The following STOX2 variants were observed in gnomAD, a reference collection of about 807,000 sequenced individuals.
The protein encoded by STOX2 is storkhead box 2, also known as storkhead-box protein 2.
A neutral mutation model predicts 60.9 loss-of-function variants in STOX2; 28 were observed. The observed-to-expected ratio is 0.46, with a 90% CI of 0.34 to 0.63. The LOEUF (loss-of-function observed/expected upper bound fraction) is 0.63. Ranked by LOEUF, STOX2 falls within the 30% of genes least tolerant of loss-of-function variation. The pLI is 0.01. For missense variants in STOX2, 1,024 were observed against 1,187.7 expected, an observed-to-expected ratio of 0.86 and a Z score of 2.03; for synonymous variants, 472 against 463.9, an observed-to-expected ratio of 1.02 and a Z score of -0.22.
chr4:183,850,857 A>G (rs570619786), intron 1 of STOX2, among the ~76,000 whole-genome samples: 1 of 151,794 alleles, frequency 6.6e-6, no homozygotes, highest in South Asian at 2.1e-4. Flanking sequence ...AGGATGAGGG[A>G]AAGGATGAGG....
chr4:183,908,287 G>T (rs780887988), intron 1 of STOX2, among the ~76,000 whole-genome samples: 16 of 152,210 alleles, frequency 1.1e-4, no homozygotes, highest in Non-Finnish European at 1.8e-4. Context: ...TTAAGTCGCT[G>T]CTGTGGTTGC....
Position 183,841,093 on chromosome 4 carries a change from C to A in STOX2, c.364+43038C>A, listed in dbSNP as rs187382344. Among the ~76,000 whole-genome samples, 88 of 152,346 alleles carry A rather than the reference C, an allele frequency of 5.8e-4. 2 individuals carry two copies. Among genetic ancestry groups the A allele is most frequent in the African/African-American group, 2.0e-3 (84 of 41,586 alleles). On this transcript the variant is annotated intron_variant, in intron 1 of 2. Coordinates refer to the STOX2 transcript ENST00000513034. ...ATGTTGCCCAGGCTGGTCTCAAATT[C>A]TTGGGCTCAAGTGATCTGCCCGCCC...
At chr4:183,981,465 G>C (rs541825153) in intron 1 of STOX2, among the ~76,000 whole-genome samples, 1 of 151,336 alleles carries the variant, frequency 6.6e-6, no homozygotes, top group Non-Finnish European at 1.5e-5. Flanking sequence ...TAACCCAGTC[G>C]GTTGGAAATA....
intron 1 of STOX2, among the ~76,000 whole-genome samples, chr4:183,873,406 A>G (rs1386563455): frequency 6.7e-6 from 1 of 149,618 alleles, no homozygotes; most frequent in Non-Finnish European, 1.5e-5. Context: ...AGATCGCACC[A>G]TCACACTCCA....
intron 1 of STOX2, among the ~76,000 whole-genome samples, chr4:183,868,126 C>T (rs960352844): frequency 1.1e-4 from 16 of 151,960 alleles, no homozygotes; most frequent in Admixed American, 4.6e-4. Context: ...TGAAGCCTCT[C>T]GGTGGCATCT....
intron 2 of STOX2, among the ~76,000 whole-genome samples, chr4:184,002,589 G>A (rs1733638950): frequency 6.6e-6 from 1 of 152,196 alleles, no homozygotes; most frequent in African/African-American, 2.4e-5. Context: ...AGAAAACGGG[G>A]CAAATGGAGA....
intron 1 of STOX2, among the ~76,000 whole-genome samples, chr4:183,875,551 C>T (rs1036803048): frequency 1.1e-4 from 16 of 152,188 alleles, no homozygotes; most frequent in African/African-American, 3.1e-4. Context: ...CCTGGTGGAG[C>T]GGGCTTTGCA....
chr4:183,939,288 C>G (rs571989348), intron 1 of STOX2, among the ~76,000 whole-genome samples: 1 of 152,316 alleles, frequency 6.6e-6, no homozygotes, highest in East Asian at 1.9e-4. Context: ...CCTTCCCTGT[C>G]CCTTCCAGCT....
At chr4:183,810,169 G>A (rs1350595508) in intron 1 of STOX2, among the ~76,000 whole-genome samples, 1 of 152,186 alleles carries the variant, frequency 6.6e-6, no homozygotes, top group Non-Finnish European at 1.5e-5. Context: ...GGAGTAGTGG[G>A]GACAGAGGTA....
At chr4:184,006,745 T>G (rs571102836) in intron 2 of STOX2, among the ~76,000 whole-genome samples, 104 of 136,314 alleles carry the variant, frequency 7.6e-4, no homozygotes, top group Non-Finnish European at 1.4e-3. Context: ...GTACAGAAAG[T>G]ATTATAAAAT....
At chr4:183,798,621 G>T in intron 1 of STOX2, 1 of 985,350 alleles carries the variant, frequency 1.0e-6, no homozygotes, top group Non-Finnish European at 1.2e-6. Context: ...TGCAGAGTTC[G>T]TCTTAAATGT....
chr4:183,815,186 G>A (rs1450060583), intron 1 of STOX2, among the ~76,000 whole-genome samples: 1 of 151,590 alleles, frequency 6.6e-6, no homozygotes, highest in African/African-American at 2.4e-5. Flanking sequence ...TAATAGAGAA[G>A]GAGTCTTGCT....
At chr4:183,911,149 A>G (rs1426348082) in intron 1 of STOX2, among the ~76,000 whole-genome samples, 2 of 47,644 alleles carry the variant, frequency 4.2e-5, no homozygotes, top group Non-Finnish European at 8.8e-5. Flanking sequence ...TTACACATAA[A>G]TTGTTAGACA....
intron 1 of STOX2, among the ~76,000 whole-genome samples, chr4:183,848,890 C>T (rs1303809351): frequency 6.6e-6 from 1 of 152,154 alleles, no homozygotes; most frequent in Non-Finnish European, 1.5e-5. Context: ...CATGTTGGGG[C>T]CCAGGTGGAG....
intron 1 of STOX2, among the ~76,000 whole-genome samples, chr4:183,978,353 G>A (rs1385939229): frequency 2.0e-5 from 3 of 152,160 alleles, no homozygotes; most frequent in South Asian, 2.1e-4. Context: ...TGATTGAATA[G>A]GGTGTCCTTT....
chr4:183,922,904 T>A (rs115604508), intron 1 of STOX2, among the ~76,000 whole-genome samples: 2,045 of 152,292 alleles, frequency 0.013, 39 homozygotes, highest in African/African-American at 0.047. Context: ...TTGTGACTGG[T>A]TTATTTCACT....
At chr4:183,804,156 A>G (rs959034191) in intron 1 of STOX2, among the ~76,000 whole-genome samples, 1 of 152,226 alleles carries the variant, frequency 6.6e-6, no homozygotes, top group Non-Finnish European at 1.5e-5. Context: ...TAAGACACCT[A>G]TACCATTTAG....
chr4:183,827,169 CT>C lies in STOX2; in HGVS notation c.364+29115del, dbSNP rs370955712. On this transcript the variant is annotated intron_variant, in intron 1 of 2. Coordinates refer to the STOX2 transcript ENST00000513034. The stretch of plus-strand genomic sequence containing the variant: ...TATAGCACTGAAATAAAAATAACCC[CT>C]ATTTTATTGTTATGAAAAATGTCAG... 1.0e-3 allele frequency among the ~76,000 whole-genome samples: 157 copies of C among 152,270 alleles called. 1 individual carries two copies. Among genetic ancestry groups the C allele is most frequent in the African/African-American group, 3.4e-3 (143 of 41,546 alleles).
chr4:183,938,929 A>T (rs7663956), intron 1 of STOX2, among the ~76,000 whole-genome samples: 27,187 of 151,942 alleles, frequency 0.18, 4,263 homozygotes, highest in East Asian at 0.43. Context: ...AAAATAAAAA[A>T]TTTGTAAAGT....
Sources: allele counts gnomAD v4.1 joint callset (sites outside exome capture counted in the v4.1 genomes callset), GRCh38; gene constraint gnomAD v4.1.1; transcripts MANE v1.5; gene names NCBI Gene and HGNC (gene_info 2026-07-23, HGNC 2026-07-21).